The following BANP variants were observed in gnomAD, a reference collection of about 807,000 sequenced individuals.
The protein encoded by BANP is protein BANP.
BANP carries 11 observed loss-of-function variants against 68.1 expected under a neutral mutation model. The observed-to-expected ratio is 0.16, with a 90% CI of 0.10 to 0.27. The LOEUF (loss-of-function observed/expected upper bound fraction) is 0.27, where lower values mean the gene tolerates loss of function less well. Among genes scored for constraint, BANP ranks in the 10% least tolerant of loss-of-function variants. The pLI, the probability that BANP is intolerant of heterozygous loss-of-function variation, is 1.00. For synonymous variants in BANP, 329 were observed against 303.2 expected, an observed-to-expected ratio of 1.09 and a Z score of -0.88; for missense variants, 504 against 722.7, an observed-to-expected ratio of 0.70 and a Z score of 3.47.
chr16:88,056,228 G>A (rs2084972737), intron 11 of BANP, among the ~76,000 whole-genome samples: 1 of 152,230 alleles, frequency 6.6e-6, no homozygotes, highest in Non-Finnish European at 1.5e-5. Context: ...GAACTCCAAG[G>A]ACTCTCTGCT....
intron 1 of BANP, among the ~76,000 whole-genome samples, chr16:87,960,617 G>A (rs1392308432): frequency 6.6e-6 from 1 of 152,208 alleles, no homozygotes; most frequent in African/African-American, 2.4e-5. Flanking sequence ...ATGGCACAGT[G>A]TTGGGTGTGC....
At chr16:87,960,599 A>G (rs1462888005) in intron 1 of BANP, among the ~76,000 whole-genome samples, 1 of 152,222 alleles carries the variant, frequency 6.6e-6, no homozygotes, top group Non-Finnish European at 1.5e-5. Context: ...GACGCATGAC[A>G]GCAGTTCATG....
chr16:88,049,764 G>A (rs1160102069), intron 11 of BANP, among the ~76,000 whole-genome samples: 3 of 152,162 alleles, frequency 2.0e-5, no homozygotes, highest in Non-Finnish European at 2.9e-5. Context: ...GGCACTCCAG[G>A]AATGGAGAGT....
intron 13 of BANP, among the ~76,000 whole-genome samples, chr16:88,075,218 T>C (rs1001399088): frequency 7.9e-5 from 12 of 152,102 alleles, no homozygotes; most frequent in Admixed American, 2.0e-4. Flanking sequence ...TGGTGGCAGG[T>C]GCCTGTAATC....
At position 88,035,413 on chromosome 16, in the gene BANP, C is replaced by G. The variant is rs1231163914; in HGVS notation, c.1272+19C>G. Reference sequence around the variant, plus strand: ...CAGCGAGGTGAGTCAGCTCTCGCTGCAGCACTGTCCCTGCAGGCACCGTGC... The same window carrying G: ...CAGCGAGGTGAGTCAGCTCTCGCTGGAGCACTGTCCCTGCAGGCACCGTGC... On this transcript the variant is annotated intron_variant, in intron 10 of 13. Transcript: ENST00000682872. The G allele has an allele frequency of 6.3e-7, 1 of 1,593,948 alleles. No individual in the cohort carries two copies. The highest frequency in any genetic ancestry group is 1.7e-5 in the Admixed American group (1 of 58,022).
intron 11 of BANP, among the ~76,000 whole-genome samples, chr16:88,060,114 C>T (rs1347839148): frequency 2.0e-5 from 3 of 152,258 alleles, no homozygotes; most frequent in African/African-American, 4.8e-5. Context: ...GAAGTGTGAG[C>T]GGCTTGTGTG....
At chr16:88,005,363 C>CT (rs915893438) in intron 5 of BANP, among the ~76,000 whole-genome samples, 33 of 152,078 alleles carry the variant, frequency 2.2e-4, no homozygotes, top group Admixed American at 6.5e-4. Flanking sequence ...TTTCAACACC[C>CT]TTTTTTTTGA....
intron 6 of BANP, among the ~76,000 whole-genome samples, chr16:88,016,293 C>G (rs987360839): frequency 6.6e-6 from 1 of 152,312 alleles, no homozygotes; most frequent in Admixed American, 6.5e-5. Context: ...AGAGCCGCCT[C>G]GGCCACTGTC....
At chr16:88,048,429 G>C (rs544018063) in intron 11 of BANP, among the ~76,000 whole-genome samples, 1 of 151,892 alleles carries the variant, frequency 6.6e-6, no homozygotes, top group Non-Finnish European at 1.5e-5. Flanking sequence ...CAGTGTTCTC[G>C]GTATTGAATC....
At chr16:87,980,948 G>C in intron 2 of BANP, 88 bp from the exon 3 acceptor site, 1 of 827,362 alleles carries the variant, frequency 1.2e-6, no homozygotes, top group Non-Finnish European at 2.0e-6. Flanking sequence ...CAACCTTAAG[G>C]TGTCAGCACT....
chr16:88,041,371 C>T (rs1276367365), intron 11 of BANP, among the ~76,000 whole-genome samples: 2 of 152,156 alleles, frequency 1.3e-5, no homozygotes, highest in South Asian at 2.1e-4. Flanking sequence ...CATTGTGCTG[C>T]GTTGGTGTGA....
Position 88,057,790 on chromosome 16 carries a change from C to G in BANP, c.1312-7477C>G, listed in dbSNP as rs1007772169. 6.6e-6 allele frequency among the ~76,000 whole-genome samples: 1 copy of G among 151,728 alleles called. No individual in the cohort carries two copies. Among genetic ancestry groups the G allele is most frequent in the East Asian group, 1.9e-4 (1 of 5,132 alleles). On this transcript the variant is annotated intron_variant, in intron 11 of 13. Transcript: ENST00000682872. The surrounding 1 kb of genome is among the most constrained non-coding windows in gnomAD (Gnocchi z 4.6). ...GTGCGTGCAGTGACTCGCGCTGGCCCTGTCCCCGCACCCTGGACTCCAGGG... is the reference window on the plus strand; with the variant it reads ...GTGCGTGCAGTGACTCGCGCTGGCCGTGTCCCCGCACCCTGGACTCCAGGG...
chr16:87,967,656 CTG>C (rs1165473787), intron 1 of BANP, among the ~76,000 whole-genome samples: 1 of 145,336 alleles, frequency 6.9e-6, no homozygotes, highest in Non-Finnish European at 1.5e-5. Context: ...GAGTCTCACT[CTG>C]TCGCCCAGGC....
chr16:87,984,073 C>A lies in BANP; in HGVS notation c.176C>A (p.Ser59Tyr), dbSNP rs1369846370. ...TTTCACTTCCAGTCATTCCTGTATTCCATCAACCAGACAATCTGCTTGCGG... is the reference window on the plus strand; with the variant it reads ...TTTCACTTCCAGTCATTCCTGTATTACATCAACCAGACAATCTGCTTGCGG... ...QDPSIKSFLYSINQTICLRLD... is the reference protein window; with the variant it reads ...QDPSIKSFLYYINQTICLRLD... The change falls in exon 4 of 14, where the codon TCC becomes TAC. Residue 59 changes from serine (S) to tyrosine (Y), a missense_variant. Coordinates refer to ENST00000682872, the MANE Select transcript of BANP (RefSeq NM_001386991.1). 1 of 1,613,872 alleles carries A rather than the reference C, an allele frequency of 6.2e-7. No homozygotes were observed. The highest frequency in any genetic ancestry group is 1.3e-5 in the African/African-American group (1 of 74,886).
At chr16:88,040,446 A>G (rs1321590315) in intron 11 of BANP, among the ~76,000 whole-genome samples, 4 of 151,870 alleles carry the variant, frequency 2.6e-5, no homozygotes, top group African/African-American at 4.8e-5. Flanking sequence ...CGGGGGTCAC[A>G]TAGCCCATTC....
intron 1 of BANP, among the ~76,000 whole-genome samples, chr16:87,972,528 A>G (rs564241089): frequency 3.9e-5 from 6 of 152,140 alleles, no homozygotes; most frequent in East Asian, 3.9e-4. Context: ...TAAGAAATAC[A>G]TGATTTTTGC....
At position 87,951,470 on chromosome 16, in the gene BANP, A is replaced by G. The variant is rs1191057025; in HGVS notation, c.-114A>G. On this transcript the variant is annotated 5_prime_UTR_variant, in exon 1 of 14. Coordinates refer to ENST00000682872, the MANE Select transcript of BANP (RefSeq NM_001386991.1). ...TTCTCTCGCGAGGACGGACGCCATT[A>G]TCGCATCTCCCCGACAAACACCACG... The G allele has an allele frequency of 6.6e-6, 1 of 152,132 alleles. No homozygotes were observed. The highest frequency in any genetic ancestry group is 1.5e-5 in the Non-Finnish European group (1 of 67,878). 9.4% of individuals were successfully genotyped at this position (152,132 alleles called of 1,614,324 possible).
intron 1 of BANP, among the ~76,000 whole-genome samples, chr16:87,955,818 G>A (rs1032762432): frequency 6.6e-6 from 1 of 152,190 alleles, no homozygotes; most frequent in African/African-American, 2.4e-5. Context: ...TCACTTCTCT[G>A]GCAGTGTTGC....
intron 11 of BANP, among the ~76,000 whole-genome samples, chr16:88,051,080 C>G (rs915323616): frequency 3.3e-5 from 5 of 152,238 alleles, no homozygotes; most frequent in African/African-American, 1.2e-4. Context: ...TCACTCTTCT[C>G]CCGTGATCTC....
Sources: gnomAD v4.1 joint callset for allele counts (sites outside exome capture counted in the v4.1 genomes callset) on GRCh38, gnomAD v4.1.1 for gene constraint, Gnocchi (gnomAD v3.1) non-coding constraint, MANE v1.5 for transcripts, NCBI Gene and HGNC (gene_info 2026-07-23, HGNC 2026-07-21) for gene names.